Variants in SEPTIN4 observed in about 807,000 individuals in gnomAD.
The protein encoded by SEPTIN4 is septin 4.
SEPTIN4 carries 52 observed loss-of-function variants against 107.1 expected under a neutral mutation model. The observed-to-expected ratio is 0.49, with a 90% confidence interval of 0.39 to 0.61. The LOEUF is 0.61. SEPTIN4 is among the 20% of genes least tolerant of loss of function. The pLI, the probability that SEPTIN4 is intolerant of heterozygous loss-of-function variation, is 0.00. For synonymous variants in SEPTIN4, 417 were observed against 467.0 expected (o/e 0.89, Z 1.38); for missense variants, 1,048 against 1,243.5 (o/e 0.84, Z 2.36).
Position 58,540,659 on chromosome 17 carries a change from T to A in SEPTIN4, c.1614+7A>T. 7.3e-7 allele frequency: 1 copy of A among 1,362,954 alleles called. No individual in the cohort carries two copies. Among genetic ancestry groups the A allele is most frequent in the Non-Finnish European group, 9.4e-7 (1 of 1,063,736 alleles). The allele number at this position is 1,362,954 out of a possible 1,614,324, so 84.4% of individuals were successfully genotyped here. A position where few individuals can be genotyped will look rare whatever the true frequency, so the allele number is the denominator to read the frequency against. On this transcript the variant is annotated splice_region_variant and intron_variant, in intron 3 of 13. Transcript: ENST00000672673. ...GACTGGGAGTAACCTCCCAGGGGCATTCTTACCTCCTCATCTGTCATAACA... is the reference window on the plus strand; with the variant it reads ...GACTGGGAGTAACCTCCCAGGGGCAATCTTACCTCCTCATCTGTCATAACA...
Position 58,542,919 on chromosome 17 carries a change from G to C in SEPTIN4, c.1268C>G (p.Pro423Arg), listed in dbSNP as rs1313312042. 2 of 1,614,108 alleles carry C rather than the reference G, an allele frequency of 1.2e-6. No individual in the cohort carries two copies. The highest frequency in any genetic ancestry group is 2.7e-5 in the African/African-American group (2 of 74,938). ...LPPRSLPRYG[P>R]DSSWWPLLNP... ...CAGCAAGGGCCACCATGAGGAGTCA[G>C]GTCCGTACCTAGGTAAGGACCGAGG... Residue 423 changes from proline to arginine, a missense_variant, in exon 1 of 14, where the codon CCT becomes CGT. Pro to Arg is a moderately radical substitution (Grantham distance 103). Coordinates refer to ENST00000672673, the MANE Select transcript of SEPTIN4 (RefSeq NM_001368771.2).
At chr17:58,523,147 T>G (rs528130306) in intron 7 of SEPTIN4, among the ~76,000 whole-genome samples, 1 of 152,192 alleles carries the variant, frequency 6.6e-6, no homozygotes, top group South Asian at 2.1e-4. Context: ...CAAGGTAGGC[T>G]GATCACTTGA....
Position 58,520,356 on chromosome 17 carries a change from T to C in SEPTIN4, c.*70A>G. The C allele has an allele frequency of 6.8e-7, 1 of 1,464,452 alleles. No individual in the cohort carries two copies. Among genetic ancestry groups the C allele is most frequent in the Non-Finnish European group, 9.5e-7 (1 of 1,054,808 alleles). 90.7% of individuals were successfully genotyped at this position (1,464,452 alleles called of 1,614,324 possible). ...GTAGCTGAAGGGGCCTGAGCAGAGC[T>C]GGTGCTGGGAGGGGCCGGCATGGAC... On this transcript the variant is annotated 3_prime_UTR_variant, in exon 14 of 14. Coordinates refer to ENST00000672673, the MANE Select transcript of SEPTIN4 (RefSeq NM_001368771.2).
rs2043787030 is a variant in SEPTIN4, at chr17:58,538,385, T to C, written c.1614+2281A>G. On this transcript the variant is annotated intron_variant, in intron 3 of 13. Coordinates refer to ENST00000672673, the MANE Select transcript of SEPTIN4 (RefSeq NM_001368771.2). This position sits in a 1 kb window ranked among gnomAD's most constrained non-coding sequence, Gnocchi z 4.7. Reference sequence around the variant, plus strand: ...CAGAGTTGGTTTCTTGCATAATTGATAGAGCAGAGAGTAAACCACCTTGCC... The same window carrying C: ...CAGAGTTGGTTTCTTGCATAATTGACAGAGCAGAGAGTAAACCACCTTGCC... Among the ~76,000 whole-genome samples, 1 of 152,194 alleles carries C rather than the reference T, an allele frequency of 6.6e-6. No homozygotes were observed. The highest frequency in any genetic ancestry group is 2.4e-5 in the African/African-American group (1 of 41,452).
At chr17:58,533,810 T>G (rs562874772) in intron 3 of SEPTIN4, among the ~76,000 whole-genome samples, 1 of 152,332 alleles carries the variant, frequency 6.6e-6, no homozygotes, top group South Asian at 2.1e-4. Context: ...TTCAAAGCCC[T>G]GGGCCTCCAA....
chr17:58,529,460 CTCT>C (rs2144166518), intron 3 of SEPTIN4: 1 of 1,331,950 alleles, frequency 7.5e-7, no homozygotes, highest in Non-Finnish European at 9.7e-7. Context: ...TCCCCTCCTC[CTCT>C]GATTGGCTGT....
Position 58,537,967 on chromosome 17 carries a change from G to A in SEPTIN4, c.1614+2699C>T, listed in dbSNP as rs147616746. Among the ~76,000 whole-genome samples the A allele has an allele frequency of 2.0e-3, 310 of 152,142 alleles. 2 individuals carry two copies. Among genetic ancestry groups the A allele is most frequent in the Non-Finnish European group, 3.6e-3 (242 of 68,026 alleles). ...AGAAATGCCGGGTGCAGTGGTTGGT[G>A]CCCATAGTCCCAACTACTCAGGAGG... On this transcript the variant is annotated intron_variant, in intron 3 of 13. Transcript: ENST00000672673.
Position 58,542,965 on chromosome 17 carries a change from G to A in SEPTIN4, c.1222C>T (p.Leu408=), listed in dbSNP as rs1009414861. ...CGAGGAGGCAAGGGCCTAGGGGTCA[G>A]TTCCAGTTCTGCATGGATGGAGGGC... ...QKPSIHAELE[L]TPRPLPPRSL... is the part of the protein sequence containing the mutation. The change falls in exon 1 of 14, where the codon CTG becomes TTG. Residue 408 remains leucine (L), a synonymous_variant. Coordinates refer to ENST00000672673, the MANE Select transcript of SEPTIN4 (RefSeq NM_001368771.2). 3 of 1,614,116 alleles carry A rather than the reference G, an allele frequency of 1.9e-6. No individual in the cohort carries two copies. Among genetic ancestry groups the A allele is most frequent in the Non-Finnish European group, 2.5e-6 (3 of 1,179,994 alleles).
intron 3 of SEPTIN4, chr17:58,530,377 CT>C (rs2043351464): frequency 6.6e-6 from 1 of 152,266 alleles, no homozygotes; most frequent in Non-Finnish European, 1.5e-5. Context: ...TTTAAACCCC[CT>C]GGCATAGCTG....
intron 3 of SEPTIN4, chr17:58,528,208 C>T (rs185607740): frequency 6.0e-6 from 1 of 167,398 alleles, no homozygotes; most frequent in East Asian, 1.9e-4. Flanking sequence ...ATAAGATAGC[C>T]ACAGTCTTCC....
chr17:58,528,641 G>T, intron 3 of SEPTIN4: 1 of 179,366 alleles, frequency 5.6e-6, no homozygotes, highest in Non-Finnish European at 1.2e-5. Flanking sequence ...GAAGGGGTGG[G>T]ACTGGGGGCA....
intron 3 of SEPTIN4, chr17:58,532,032 C>G (rs1316634001): frequency 8.9e-6 from 10 of 1,128,378 alleles, no homozygotes; most frequent in Admixed American, 4.9e-5. Flanking sequence ...AGCTGCGCGC[C>G]GACCTCGCAG....
intron 5 of SEPTIN4, 58 bp downstream of exon 5, chr17:58,526,162 C>A (rs188216190): frequency 2.0e-6 from 3 of 1,517,148 alleles, no homozygotes; most frequent in Non-Finnish European, 1.8e-6. Flanking sequence ...CTCACGGACA[C>A]ACACACCATC....
At chr17:58,523,192 C>T (rs528191327) in intron 7 of SEPTIN4, among the ~76,000 whole-genome samples, 39 of 152,006 alleles carry the variant, frequency 2.6e-4, no homozygotes, top group Non-Finnish European at 4.9e-4. Flanking sequence ...GGCAACATAG[C>T]GAGACCCCCA....
intron 3 of SEPTIN4, chr17:58,529,505 G>A (rs1478569636): frequency 5.0e-5 from 43 of 851,728 alleles, no homozygotes; most frequent in Non-Finnish European, 5.8e-5. Flanking sequence ...CTACCCTGGT[G>A]GGCACAGCAC....
At chr17:58,539,106 T>C (rs1598319266) in intron 3 of SEPTIN4, 2 of 1,524,888 alleles carry the variant, frequency 1.3e-6, no homozygotes, top group Non-Finnish European at 1.8e-6. Context: ...CTCCATGCCA[T>C]CCTACCTCCA....
intron 2 of SEPTIN4, 66 bp from the exon 3 acceptor site, chr17:58,540,739 T>C (rs923372530): frequency 8.5e-6 from 11 of 1,297,986 alleles, no homozygotes; most frequent in African/African-American, 3.1e-5. Flanking sequence ...AGAGTGCCAA[T>C]AGGAGGAGAA....
intron 3 of SEPTIN4, among the ~76,000 whole-genome samples, chr17:58,532,537 C>T (rs1209039300): frequency 6.6e-6 from 1 of 152,200 alleles, no homozygotes; most frequent in Admixed American, 6.5e-5. Flanking sequence ...CAGATATTCT[C>T]CACCTCCACC....
chr17:58,529,372 C>G (rs2043261644), intron 3 of SEPTIN4: 1 of 1,444,644 alleles, frequency 6.9e-7, no homozygotes. Context: ...TTCCCCACCC[C>G]TCTTCTCCTC....
Sources: gnomAD v4.1 joint callset for allele counts (sites outside exome capture counted in the v4.1 genomes callset) on GRCh38, gnomAD v4.1.1 for gene constraint, Gnocchi (gnomAD v3.1) non-coding constraint, MANE v1.5 for transcripts, NCBI Gene and HGNC (gene_info 2026-07-23, HGNC 2026-07-21) for gene names.